Variants in TSPAN7 observed in about 807,000 individuals in gnomAD.
The protein encoded by TSPAN7 is tetraspanin 7, also known as tetraspanin-7.
TSPAN7 carries 1 observed loss-of-function variant against 17.6 expected under a neutral mutation model. The ratio of observed to expected loss-of-function variants is 0.06; its 90% CI spans 0.02 to 0.27. The LOEUF (loss-of-function observed/expected upper bound fraction) is 0.27. Ranked by LOEUF, TSPAN7 falls within the 10% of genes least tolerant of loss-of-function variation. The pLI is 1.00. For missense variants in TSPAN7, 112 were observed against 201.7 expected (o/e 0.56, Z 2.69); for synonymous variants, 78 against 79.0 (o/e 0.99, Z 0.07).
At chrX:38,578,860 C>T (rs1384024747) in intron 1 of TSPAN7, among the ~76,000 whole-genome samples, 1 of 110,980 alleles carries the variant, frequency 9.0e-6, no homozygotes, top group African/African-American at 3.3e-5. Context: ...TACATATACA[C>T]ATATGTATGG....
chrX:38,589,147 C>A (rs984152207), intron 1 of TSPAN7, among the ~76,000 whole-genome samples: 1 of 111,815 alleles, frequency 8.9e-6, no homozygotes, highest in African/African-American at 3.3e-5. Context: ...GTTGCTTAGC[C>A]ACTTCAGGCC....
rs1250819998 is a variant in TSPAN7 at position 38,680,200 on chromosome X, A to G, written c.598-1004A>G. On this transcript the variant is annotated intron_variant, in intron 5 of 7. Transcript: ENST00000378482. ...TTTTTTTTCCTGCACACAGACTACA[A>G]ATGTATATAGATACCACTTAATAGA... is the stretch of plus-strand genomic sequence containing the variant. Among the ~76,000 whole-genome samples the G allele has an allele frequency of 8.1e-5, 9 of 111,762 alleles. No individual in the cohort carries two copies. The East Asian group carries it at 2.2e-3, about 28-fold the overall frequency.
At chrX:38,644,089 G>T (rs916135099) in intron 1 of TSPAN7, among the ~76,000 whole-genome samples, 1 of 111,202 alleles carries the variant, frequency 9.0e-6, no homozygotes, top group Non-Finnish European at 1.9e-5. Flanking sequence ...AAATTAACGG[G>T]GCCCAAACTC....
chrX:38,593,565 T>G, intron 1 of TSPAN7, among the ~76,000 whole-genome samples: 1 of 112,533 alleles, frequency 8.9e-6, no homozygotes, highest in Non-Finnish European at 1.9e-5. Context: ...CATTCAGTAT[T>G]AAGAAGTGGG....
chrX:38,669,174 A>G (rs1480360248), intron 2 of TSPAN7, among the ~76,000 whole-genome samples: 1 of 112,185 alleles, frequency 8.9e-6, no homozygotes, highest in East Asian at 2.8e-4. Flanking sequence ...TACACAGAGT[A>G]TGCATGTATC....
intron 1 of TSPAN7, chrX:38,612,768 C>T (rs1051635406): frequency 1.8e-5 from 2 of 111,620 alleles, no homozygotes; most frequent in African/African-American, 6.5e-5. Flanking sequence ...AAAATTAATA[C>T]GTTGATCTGT....
At chrX:38,602,796 A>G (rs1271588259) in intron 1 of TSPAN7, among the ~76,000 whole-genome samples, 1 of 111,792 alleles carries the variant, frequency 8.9e-6, no homozygotes, top group African/African-American at 3.3e-5. Context: ...AGCACAGGCC[A>G]TGTGCTCCAG....
chrX:38,589,896 T>C (rs924943862), intron 1 of TSPAN7, among the ~76,000 whole-genome samples: 4 of 112,182 alleles, frequency 3.6e-5, no homozygotes, highest in African/African-American at 1.3e-4. Context: ...ATAGCTATGA[T>C]GCTATAGAGT....
chrX:38,652,810 G>T (rs967567435), intron 1 of TSPAN7, among the ~76,000 whole-genome samples: 8 of 112,156 alleles, frequency 7.1e-5, no homozygotes, highest in Non-Finnish European at 1.1e-4. Flanking sequence ...TTGACAATTA[G>T]AAACTGCCCA....
intron 1 of TSPAN7, among the ~76,000 whole-genome samples, chrX:38,575,720 T>G (rs1050112296): frequency 8.0e-5 from 9 of 112,143 alleles, no homozygotes; most frequent in African/African-American, 2.9e-4. Flanking sequence ...TGGAAGCAAT[T>G]AAATAAAAAA....
chrX:38,657,047 A>T (rs1488135140), intron 1 of TSPAN7, among the ~76,000 whole-genome samples: 2 of 111,330 alleles, frequency 1.8e-5, no homozygotes, highest in Non-Finnish European at 3.8e-5. Flanking sequence ...TTTAAGGGAG[A>T]AGAAACCTAA....
At chrX:38,671,341 G>A (rs755007493) in intron 2 of TSPAN7, 35 bp from the exon 3 acceptor site, 3 of 1,190,190 alleles carry the variant, frequency 2.5e-6, no homozygotes, top group Admixed American at 4.4e-5. Flanking sequence ...TAATCCTGAT[G>A]TATCTGACTT....
chrX:38,575,532 C>A (rs764426985), intron 1 of TSPAN7, among the ~76,000 whole-genome samples: 1 of 111,425 alleles, frequency 9.0e-6, no homozygotes, highest in Non-Finnish European at 1.9e-5. Context: ...TAGATTTAAA[C>A]GATCCTGATA....
intron 1 of TSPAN7, among the ~76,000 whole-genome samples, chrX:38,665,853 A>G (rs1036992437): frequency 3.6e-5 from 4 of 112,249 alleles, no homozygotes; most frequent in African/African-American, 9.7e-5. Context: ...TTTTTAAAAA[A>G]GAAGTTCTTT....
At chrX:38,571,885 G>C (rs1351086014) in intron 1 of TSPAN7, among the ~76,000 whole-genome samples, 1 of 111,455 alleles carries the variant, frequency 9.0e-6, no homozygotes, top group Non-Finnish European at 1.9e-5. Flanking sequence ...GAATTGAGGA[G>C]AGTATTCCAG....
intron 1 of TSPAN7, among the ~76,000 whole-genome samples, chrX:38,595,260 C>T (rs1293300961): frequency 3.6e-5 from 4 of 111,261 alleles, no homozygotes; most frequent in Non-Finnish European, 7.6e-5. Context: ...TTGAGCAAAG[C>T]AAAAACAAAT....
chrX:38,625,512 G>A (rs2069517206), intron 1 of TSPAN7, among the ~76,000 whole-genome samples: 2 of 111,822 alleles, frequency 1.8e-5, no homozygotes, highest in South Asian at 7.5e-4. Flanking sequence ...TACAACTGAG[G>A]ACCATCTTTG....
At chrX:38,651,050 C>CATAGATATATATAT (rs2069672997) in intron 1 of TSPAN7, among the ~76,000 whole-genome samples, 1 of 98,138 alleles carries the variant, frequency 1.0e-5, no homozygotes, top group African/African-American at 3.8e-5. Context: ...AATGTGATTA[C>CATAGATATATATAT]ATATATATAT....
intron 1 of TSPAN7, among the ~76,000 whole-genome samples, chrX:38,652,538 G>A (rs1488309278): frequency 8.9e-6 from 1 of 112,414 alleles, no homozygotes; most frequent in East Asian, 2.8e-4. Flanking sequence ...CCTAATACTG[G>A]CTTAAATATA....
Sources: allele counts gnomAD v4.1 joint callset (sites outside exome capture counted in the v4.1 genomes callset), GRCh38; gene constraint gnomAD v4.1.1; transcripts MANE v1.5; gene names NCBI Gene and HGNC (gene_info 2026-07-23, HGNC 2026-07-21).